CTNNBL1: variants seen among roughly 807,000 people sequenced by gnomAD.
CTNNBL1 encodes the protein beta-catenin-like protein 1.
CTNNBL1 carries 31 observed loss-of-function variants against 72.7 expected under a neutral mutation model. That is an observed-to-expected ratio of 0.43 (90% CI 0.32 to 0.58). CTNNBL1 has a LOEUF of 0.58. Ranked by LOEUF, CTNNBL1 falls within the 20% of genes least tolerant of loss-of-function variation. The pLI is 0.08. For synonymous variants in CTNNBL1, 240 were observed against 267.3 expected (o/e 0.90, Z 1.00); for missense variants, 534 against 725.1 (o/e 0.74, Z 3.03).
At chr20:37,860,087 G>T (rs369672485) in intron 14 of CTNNBL1, 51 bp downstream of exon 14, 4 of 1,574,846 alleles carry the variant, frequency 2.5e-6, no homozygotes, top group East Asian at 4.6e-5. Flanking sequence ...CTCCTTCCTC[G>T]CCAGCTGCTT....
At chr20:37,838,955 A>G (rs551923006) in intron 11 of CTNNBL1, among the ~76,000 whole-genome samples, 13 of 152,292 alleles carry the variant, frequency 8.5e-5, no homozygotes, top group African/African-American at 2.6e-4. Context: ...ACAGCTGAAT[A>G]TATGAGTCAG....
At chr20:37,711,936 A>T (rs915023009) in intron 1 of CTNNBL1, among the ~76,000 whole-genome samples, 1 of 152,138 alleles carries the variant, frequency 6.6e-6, no homozygotes, top group African/African-American at 2.4e-5. Flanking sequence ...TCCTAGCACC[A>T]TGGGAAGCCA....
At chr20:37,845,247 T>A (rs1396587293) in intron 13 of CTNNBL1, among the ~76,000 whole-genome samples, 1 of 152,142 alleles carries the variant, frequency 6.6e-6, no homozygotes, top group Non-Finnish European at 1.5e-5. Context: ...GGAGACCTAG[T>A]AAGTGGCTGG....
At chr20:37,703,450 A>G (rs2072860230) in intron 1 of CTNNBL1, among the ~76,000 whole-genome samples, 1 of 152,036 alleles carries the variant, frequency 6.6e-6, no homozygotes, top group Non-Finnish European at 1.5e-5. Flanking sequence ...TTTGCCAAAG[A>G]TTTTCTTGGG....
chr20:37,816,373 A>T (rs1446269181), intron 11 of CTNNBL1, among the ~76,000 whole-genome samples: 1 of 152,138 alleles, frequency 6.6e-6, no homozygotes, highest in Non-Finnish European at 1.5e-5. Context: ...AATTTAAATC[A>T]CTTGGGTAGT....
In CTNNBL1 at chr20:37,840,096, ACCC is replaced by A. The variant is rs766140761; in HGVS notation, c.1214-5_1214-3del. 51 of 1,610,060 alleles carry A rather than the reference ACCC, an allele frequency of 3.2e-5. No homozygotes were observed. Among genetic ancestry groups the A allele is most frequent in the Non-Finnish European group, 4.2e-5 (50 of 1,176,612 alleles). On this transcript the variant is annotated splice_polypyrimidine_tract_variant and splice_region_variant and intron_variant, in intron 11 of 15. Coordinates refer to ENST00000361383, the MANE Select transcript of CTNNBL1 (RefSeq NM_030877.5). Reference sequence around the variant, plus strand: ...AGCATGTTCTCTTTTCTCTTTCCCAACCCAGAGCATGTCTGTTCGATCCTGGCT... The same window carrying A: ...AGCATGTTCTCTTTTCTCTTTCCCAAAGAGCATGTCTGTTCGATCCTGGCT...
At chr20:37,846,417 C>T (rs1209283859) in intron 13 of CTNNBL1, among the ~76,000 whole-genome samples, 7 of 151,850 alleles carry the variant, frequency 4.6e-5, no homozygotes, top group Non-Finnish European at 1.5e-5. Flanking sequence ...GTTGAACTGC[C>T]CTATCCTTAT....
intron 11 of CTNNBL1, among the ~76,000 whole-genome samples, chr20:37,803,487 C>T (rs182508754): frequency 1.3e-5 from 2 of 152,274 alleles, no homozygotes; most frequent in African/African-American, 2.4e-5. Context: ...CCCAGATTCC[C>T]CTTTTATGTT....
chr20:37,795,955 G>T (rs2073770423), intron 10 of CTNNBL1, among the ~76,000 whole-genome samples: 3 of 139,224 alleles, frequency 2.2e-5, no homozygotes, highest in Admixed American at 7.3e-5. Flanking sequence ...CTGGAGCTTT[G>T]TTCTAAGATA....
rs1395420053 is a variant in CTNNBL1, at chr20:37,732,990, G to C, written c.142G>C (p.Val48Leu). The stretch of plus-strand genomic sequence containing the variant: ...CCGCTATCGGGAAGAAGAAATGACT[G>C]TGGTGGAGGAAGCGGATGATGACAA... Reference protein sequence around the residue: ...RGRYREEEMTVVEEADDDKKR... With the variant: ...RGRYREEEMTLVEEADDDKKR... Residue 48 changes from valine to leucine, a missense_variant, in exon 2 of 16, where the codon GTG becomes CTG. By Grantham distance (32) the Val-to-Leu change is conservative. Coordinates refer to ENST00000361383, the MANE Select transcript of CTNNBL1 (RefSeq NM_030877.5). The C allele has an allele frequency of 1.2e-6, 2 of 1,613,976 alleles. No homozygotes were observed. The highest frequency in any genetic ancestry group is 2.7e-5 in the African/African-American group (2 of 74,924).
chr20:37,700,690 G>A (rs1015759933), intron 1 of CTNNBL1, among the ~76,000 whole-genome samples: 5 of 152,142 alleles, frequency 3.3e-5, no homozygotes, highest in East Asian at 1.9e-4. Context: ...TGGCATAGGC[G>A]CATATATGAA....
intron 13 of CTNNBL1, among the ~76,000 whole-genome samples, chr20:37,848,899 G>A (rs1390368311): frequency 2.0e-5 from 3 of 151,646 alleles, no homozygotes; most frequent in Admixed American, 6.6e-5. Context: ...GCTGCCACCC[G>A]GACATCACCC....
chr20:37,830,632 CT>C (rs1180443172), intron 11 of CTNNBL1, among the ~76,000 whole-genome samples: 1 of 152,128 alleles, frequency 6.6e-6, no homozygotes, highest in Non-Finnish European at 1.5e-5. Flanking sequence ...ACTCATGCTC[CT>C]CAACGTACCA....
At chr20:37,757,525 T>A (rs1397630408) in intron 4 of CTNNBL1, 34 bp from the exon 5 acceptor site, 2 of 1,462,362 alleles carry the variant, frequency 1.4e-6, no homozygotes, top group African/African-American at 2.8e-5. Context: ...TGGTACCGTT[T>A]CAGTATGTGT....
intron 11 of CTNNBL1, among the ~76,000 whole-genome samples, chr20:37,832,887 CCA>C (rs1318558926): frequency 1.3e-5 from 2 of 151,876 alleles, no homozygotes; most frequent in Non-Finnish European, 2.9e-5. Flanking sequence ...GGAGTGACTG[CCA>C]CAGTCTGTGC....
intron 4 of CTNNBL1, chr20:37,750,327 GCA>G (rs2073307239): frequency 6.6e-6 from 1 of 152,200 alleles, no homozygotes; most frequent in Non-Finnish European, 1.5e-5. Flanking sequence ...GGGGTGGGGA[GCA>G]CACACCTCAC....
intron 11 of CTNNBL1, among the ~76,000 whole-genome samples, chr20:37,810,961 G>T (rs1440205170): frequency 6.6e-6 from 1 of 152,188 alleles, no homozygotes; most frequent in African/African-American, 2.4e-5. Context: ...GGTAACAAGT[G>T]AAGATTAAAT....
intron 1 of CTNNBL1, among the ~76,000 whole-genome samples, chr20:37,720,589 G>T (rs2073031911): frequency 6.6e-6 from 1 of 152,238 alleles, no homozygotes; most frequent in Non-Finnish European, 1.5e-5. Context: ...TTAAGGCCCA[G>T]ACATTGACTA....
chr20:37,804,400 G>A (rs1412945269), intron 11 of CTNNBL1, among the ~76,000 whole-genome samples: 2 of 152,162 alleles, frequency 1.3e-5, no homozygotes, highest in Non-Finnish European at 2.9e-5. Context: ...AGTATTGGTG[G>A]CATCCTTATT....
Sources: gnomAD v4.1 joint callset for allele counts (sites outside exome capture counted in the v4.1 genomes callset) on GRCh38, gnomAD v4.1.1 for gene constraint, MANE v1.5 for transcripts, NCBI Gene and HGNC (gene_info 2026-07-23, HGNC 2026-07-21) for gene names.